GNG12: variants seen among roughly 807,000 people sequenced by gnomAD.
The protein encoded by GNG12 is guanine nucleotide-binding protein G(I)/G(S)/G(O) subunit gamma-12.
For synonymous variants in GNG12, 28 were observed against 29.7 expected (o/e 0.94, Z 0.19); for missense variants, 69 against 83.8 (o/e 0.82, Z 0.69).
intron 1 of GNG12, among the ~76,000 whole-genome samples, chr1:67,807,748 G>A (rs770766802): frequency 3.3e-5 from 5 of 152,006 alleles, no homozygotes; most frequent in Admixed American, 6.6e-5. Flanking sequence ...GATACAATCT[G>A]CCAACATTCA....
intron 2 of GNG12, among the ~76,000 whole-genome samples, chr1:67,760,143 A>T (rs866207155): frequency 1.3e-5 from 2 of 152,196 alleles, no homozygotes; most frequent in Non-Finnish European, 2.9e-5. Context: ...TGAGCATGTT[A>T]CATGCATTAC....
chr1:67,710,585 G>A (rs1348393518), intron 2 of GNG12, among the ~76,000 whole-genome samples: 1 of 152,066 alleles, frequency 6.6e-6, no homozygotes, highest in Non-Finnish European at 1.5e-5. Flanking sequence ...TTTATAAAAT[G>A]CTCGGGTAGG....
chr1:67,825,430 A>G (rs1419914080), intron 1 of GNG12, among the ~76,000 whole-genome samples: 1 of 152,238 alleles, frequency 6.6e-6, no homozygotes, highest in African/African-American at 2.4e-5. Flanking sequence ...TTCACTAAAC[A>G]TGGCTGATCC....
intron 1 of GNG12, among the ~76,000 whole-genome samples, chr1:67,822,548 A>G (rs903566331): frequency 2.0e-5 from 3 of 152,182 alleles, no homozygotes; most frequent in Non-Finnish European, 4.4e-5. Context: ...ACATCCAGAG[A>G]GCTTTAAACC....
intron 1 of GNG12, among the ~76,000 whole-genome samples, chr1:67,787,003 A>G (rs1646773194): frequency 7.1e-6 from 1 of 141,168 alleles, no homozygotes; most frequent in African/African-American, 2.7e-5. Flanking sequence ...ATATATGTGT[A>G]TATCTGTGTG....
intron 2 of GNG12, 150 bp from the exon 3 acceptor site, chr1:67,707,862 T>C: frequency 1.9e-6 from 1 of 531,546 alleles, no homozygotes; most frequent in Non-Finnish European, 3.3e-6. Context: ...CCTTAGAAAT[T>C]CGAGTGGTGA....
intron 2 of GNG12, among the ~76,000 whole-genome samples, chr1:67,770,104 T>C (rs577630480): frequency 1.3e-5 from 2 of 152,238 alleles, no homozygotes; most frequent in Admixed American, 6.5e-5. Flanking sequence ...CACCTCAAGA[T>C]GTAACAGATG....
At chr1:67,723,479 G>A (rs950039514) in intron 2 of GNG12, among the ~76,000 whole-genome samples, 1 of 152,172 alleles carries the variant, frequency 6.6e-6, no homozygotes, top group South Asian at 2.1e-4. Context: ...GCTATTGCCA[G>A]GTTGTATGAA....
chr1:67,764,488 T>C (rs1646624569), intron 2 of GNG12, among the ~76,000 whole-genome samples: 1 of 152,152 alleles, frequency 6.6e-6, no homozygotes, highest in South Asian at 2.1e-4. Flanking sequence ...AATTTGTGAA[T>C]AATAATGAAA....
chr1:67,832,054 C>A (rs779345170), intron 1 of GNG12, among the ~76,000 whole-genome samples: 1 of 152,178 alleles, frequency 6.6e-6, no homozygotes, highest in African/African-American at 2.4e-5. Context: ...CCAAAAGATT[C>A]ATTATACACA....
chr1:67,815,040 G>A (rs1031680773), intron 1 of GNG12, among the ~76,000 whole-genome samples: 7 of 152,144 alleles, frequency 4.6e-5, no homozygotes, highest in African/African-American at 1.7e-4. Flanking sequence ...CATTCCCAAA[G>A]GACTCCTTTC....
chr1:67,788,409 T>C (rs905251904), intron 1 of GNG12, among the ~76,000 whole-genome samples: 9 of 152,120 alleles, frequency 5.9e-5, no homozygotes, highest in African/African-American at 2.2e-4. Flanking sequence ...CAGGTCACAG[T>C]TCCCTGCAGC....
At chr1:67,736,172 A>AG (rs1301032241) in intron 2 of GNG12, among the ~76,000 whole-genome samples, 8 of 152,148 alleles carry the variant, frequency 5.3e-5, no homozygotes, top group Admixed American at 5.2e-4. Flanking sequence ...GAGAAGAACT[A>AG]GGAGTCTGTT....
rs1570557380 is a variant in GNG12 at position 67,797,509 on chromosome 1, C to A, written c.-76-20002G>T. On this transcript the variant is annotated intron_variant, in intron 1 of 3. Coordinates refer to ENST00000370982, the MANE Select transcript of GNG12 (RefSeq NM_018841.6). Reference sequence around the variant, plus strand: ...CCATAAATTAAATCACCTGTGAAAGCCAAACAACTCAAGTATGAACTACAC... The same window carrying A: ...CCATAAATTAAATCACCTGTGAAAGACAAACAACTCAAGTATGAACTACAC... Among the ~76,000 whole-genome samples, 5 of 152,264 alleles carry A rather than the reference C, an allele frequency of 3.3e-5. 1 individual carries two copies. Among genetic ancestry groups the A allele is most frequent in the Admixed American group, 3.3e-4 (5 of 15,296 alleles).
chr1:67,814,256 C>T (rs959298469), intron 1 of GNG12, among the ~76,000 whole-genome samples: 4 of 152,232 alleles, frequency 2.6e-5, no homozygotes, highest in Non-Finnish European at 2.9e-5. Context: ...CACTGCCAGC[C>T]ATGAGCCCTT....
At chr1:67,815,581 G>A (rs1463744435) in intron 1 of GNG12, among the ~76,000 whole-genome samples, 4 of 152,162 alleles carry the variant, frequency 2.6e-5, no homozygotes, top group Non-Finnish European at 4.4e-5. Context: ...AAGCGGTGAC[G>A]TTCTTCCTTC....
At chr1:67,760,525 T>C (rs1646596508) in intron 2 of GNG12, among the ~76,000 whole-genome samples, 1 of 152,204 alleles carries the variant, frequency 6.6e-6, no homozygotes, top group African/African-American at 2.4e-5. Context: ...AAGACACACG[T>C]TGCTCATGAC....
intron 1 of GNG12, among the ~76,000 whole-genome samples, chr1:67,790,266 G>A (rs150302317): frequency 2.8e-4 from 42 of 152,158 alleles, no homozygotes; most frequent in African/African-American, 6.0e-4. Flanking sequence ...TTGCACCCCC[G>A]CCTCCACCAG....
intron 1 of GNG12, among the ~76,000 whole-genome samples, chr1:67,787,036 A>AGTGTGTGT (rs56084524): frequency 0.061 from 7,962 of 131,302 alleles, 303 homozygotes; most frequent in Middle Eastern, 0.11. Context: ...TATGTGTATA[A>AGTGTGTGT]GTGTGTGTGT....
Sources: gnomAD v4.1 joint callset for allele counts (sites outside exome capture counted in the v4.1 genomes callset) on GRCh38, gnomAD v4.1.1 for gene constraint, MANE v1.5 for transcripts, NCBI Gene and HGNC (gene_info 2026-07-23, HGNC 2026-07-21) for gene names.